Variants in NFATC3 observed in about 807,000 individuals in gnomAD.
The protein encoded by NFATC3 is nuclear factor of activated T-cells, cytoplasmic 3.
NFATC3 carries 46 observed loss-of-function variants against 98.6 expected under a neutral mutation model. That is an observed-to-expected ratio of 0.47 (90% CI 0.37 to 0.60). The LOEUF is 0.60. Ranked by LOEUF, NFATC3 falls within the 20% of genes least tolerant of loss-of-function variation. NFATC3 has a pLI of 0.00. For synonymous variants in NFATC3, 512 were observed against 472.2 expected (o/e 1.08, Z -1.09); for missense variants, 1,256 against 1,295.5 (o/e 0.97, Z 0.47).
At chr16:68,202,640 C>T (rs573931490) in intron 9 of NFATC3, among the ~76,000 whole-genome samples, 4 of 152,078 alleles carry the variant, frequency 2.6e-5, no homozygotes, top group Non-Finnish European at 5.9e-5. Context: ...AGTGAAACCC[C>T]GTCTCTACTA....
intron 5 of NFATC3, among the ~76,000 whole-genome samples, chr16:68,170,905 A>G (rs1054275459): frequency 6.6e-6 from 1 of 152,194 alleles, no homozygotes; most frequent in South Asian, 2.1e-4. Flanking sequence ...GTTTTCACTT[A>G]TACTATCATA....
At chr16:68,093,464 GT>G (rs2034837735) in intron 1 of NFATC3, among the ~76,000 whole-genome samples, 1 of 152,182 alleles carries the variant, frequency 6.6e-6, no homozygotes, top group African/African-American at 2.4e-5. Flanking sequence ...TCTCCAGTAA[GT>G]TGCTTAATTT....
chr16:68,115,575 G>T (rs1257914344), intron 1 of NFATC3, among the ~76,000 whole-genome samples: 1 of 151,656 alleles, frequency 6.6e-6, no homozygotes, highest in African/African-American at 2.4e-5. Flanking sequence ...CAGGCACGCG[G>T]CACCATGCCC....
At chr16:68,094,606 C>T (rs2034907901) in intron 1 of NFATC3, among the ~76,000 whole-genome samples, 1 of 152,104 alleles carries the variant, frequency 6.6e-6, no homozygotes, top group Admixed American at 6.6e-5. Flanking sequence ...CTTGTACATA[C>T]CCAGTTGTCT....
chr16:68,176,087 C>G (rs186255772), intron 6 of NFATC3, among the ~76,000 whole-genome samples: 2 of 152,052 alleles, frequency 1.3e-5, no homozygotes, highest in South Asian at 2.1e-4. Context: ...AAGCAATTCT[C>G]CTGCCTCAGC....
intron 3 of NFATC3, among the ~76,000 whole-genome samples, chr16:68,133,606 A>G (rs999315474): frequency 9.2e-5 from 14 of 152,040 alleles, no homozygotes; most frequent in Admixed American, 9.2e-4. Flanking sequence ...TATACCCCCA[A>G]CCGAAGATAA....
intron 9 of NFATC3, among the ~76,000 whole-genome samples, chr16:68,215,545 G>A (rs1223140997): frequency 6.6e-6 from 1 of 152,142 alleles, no homozygotes; most frequent in Non-Finnish European, 1.5e-5. Flanking sequence ...GTATTATGTG[G>A]AGTGAAGGGA....
rs73612692 is a variant in NFATC3 at position 68,122,196 on chromosome 16, C to A, written c.313C>A (p.Pro105Thr). The A allele has an allele frequency of 9.6e-4, 1,557 of 1,614,110 alleles. 14 individuals are homozygous for A. In the African/African-American group the frequency reaches 0.018, roughly 19 times the overall value. ...SKYSPLGGPK[P>T]FECPSIQITS... The stretch of plus-strand genomic sequence containing the variant: ...ATATAGCCCATTAGGTGGTCCCAAA[C>A]CCTTTGAGTGCCCAAGTATTCAAAT... Residue 105 changes from proline (P) to threonine (T), a missense_variant, in exon 2 of 10, where the codon CCC becomes ACC. This residue lies in a region of NFATC3 where 464 missense variants were observed against 465.7 expected (regional missense o/e 1.00). Transcript: ENST00000346183.
chr16:68,099,607 A>AAATAAT (rs369467712), intron 1 of NFATC3, among the ~76,000 whole-genome samples: 10 of 150,042 alleles, frequency 6.7e-5, no homozygotes, highest in African/African-American at 1.5e-4. Flanking sequence ...TCTCAAAATA[A>AAATAAT]AATAATAATA....
chr16:68,092,606 A>C (rs1222636066), intron 1 of NFATC3, among the ~76,000 whole-genome samples: 1 of 151,830 alleles, frequency 6.6e-6, no homozygotes, highest in East Asian at 1.9e-4. Context: ...CTAAAAATAC[A>C]AAATTAGTAC....
intron 1 of NFATC3, among the ~76,000 whole-genome samples, chr16:68,112,633 T>TTTTTTTTTC (rs981439304): frequency 6.1e-5 from 5 of 81,872 alleles, no homozygotes; most frequent in African/African-American, 3.8e-4. Context: ...TTTCTTTTCA[T>TTTTTTTTTC]TTTTTCTTTT....
intron 4 of NFATC3, among the ~76,000 whole-genome samples, chr16:68,163,535 G>T (rs1464233033): frequency 6.6e-6 from 1 of 151,242 alleles, no homozygotes; most frequent in Non-Finnish European, 1.5e-5. Context: ...GGCTGGCCTG[G>T]TGGGGGCTGA....
chr16:68,153,984 A>G (rs2038479451), intron 3 of NFATC3, among the ~76,000 whole-genome samples: 2 of 152,006 alleles, frequency 1.3e-5, no homozygotes, highest in South Asian at 4.2e-4. Context: ...TGGCATAATC[A>G]TAGCTCACTG....
In NFATC3 at chr16:68,192,040, C is replaced by T. The variant is rs556182113; in HGVS notation, c.3106+265C>T. On this transcript the variant is annotated intron_variant, in intron 9 of 9. Coordinates refer to ENST00000346183, the MANE Select transcript of NFATC3 (RefSeq NM_173165.3). ...TGGCCAACATGGTGTAACGCTGTCT[C>T]TACTAAAAATACAAAAAATTAGCCA... The T allele has an allele frequency of 1.3e-4, 42 of 318,572 alleles. No homozygotes were observed. In the East Asian group the frequency reaches 3.0e-3, roughly 23 times the overall value. The allele number at this position is 318,572 out of a possible 1,614,324, so 19.7% of individuals were successfully genotyped here.
rs764715475 is a variant in NFATC3, at chr16:68,226,501, C to G, written c.*30C>G. 2.7e-6 allele frequency: 4 copies of G among 1,460,252 alleles called. No individual in the cohort carries two copies. The Admixed American group carries it at 8.6e-5, about 31-fold the overall frequency. The allele number at this position is 1,460,252 out of a possible 1,614,324, so 90.5% of individuals were successfully genotyped here. ...GCTTACTGCAGCCTTGTGTCCACCA[C>G]CAACTTCTCAGCATGTTTCTCTCCT... On this transcript the variant is annotated 3_prime_UTR_variant, in exon 10 of 10. Coordinates refer to ENST00000346183, the MANE Select transcript of NFATC3 (RefSeq NM_173165.3).
intron 6 of NFATC3, among the ~76,000 whole-genome samples, chr16:68,176,380 G>A (rs1290570446): frequency 2.8e-5 from 4 of 144,974 alleles, no homozygotes; most frequent in Admixed American, 1.4e-4. Flanking sequence ...TTTGGACTTT[G>A]TACGATATTG....
intron 3 of NFATC3, among the ~76,000 whole-genome samples, chr16:68,142,802 G>A (rs1021401573): frequency 7.9e-5 from 12 of 151,966 alleles, no homozygotes; most frequent in African/African-American, 2.9e-4. Context: ...TAAGTCTTTA[G>A]GGTTTCCTAG....
intron 1 of NFATC3, among the ~76,000 whole-genome samples, chr16:68,118,453 A>G (rs2036403919): frequency 6.6e-6 from 1 of 152,164 alleles, no homozygotes. Context: ...TGAATGAATG[A>G]GCACCTTCTT....
chr16:68,194,423 T>G (rs1224897224), intron 9 of NFATC3, among the ~76,000 whole-genome samples: 1 of 152,228 alleles, frequency 6.6e-6, no homozygotes, highest in African/African-American at 2.4e-5. Flanking sequence ...CTGTTCTCTG[T>G]GCACAGCTGG....
Sources: gnomAD v4.1 joint callset for allele counts (sites outside exome capture counted in the v4.1 genomes callset) on GRCh38, gnomAD v4.1.1 for gene constraint, gnomAD v4.1.1 regional missense constraint, MANE v1.5 for transcripts, NCBI Gene and HGNC (gene_info 2026-07-23, HGNC 2026-07-21) for gene names.